The following ADAMTSL1 variants were observed in gnomAD, a reference collection of about 807,000 sequenced individuals.
ADAMTSL1 encodes ADAMTS-like protein 1.
ADAMTSL1 carries 126 observed loss-of-function variants against 201.8 expected under a neutral mutation model. That is an observed-to-expected ratio of 0.62 (90% CI 0.54 to 0.72). The LOEUF (loss-of-function observed/expected upper bound fraction) is 0.72. Among genes scored for constraint, ADAMTSL1 ranks in the 30% least tolerant of loss-of-function variants. ADAMTSL1 has a pLI of 0.00. For missense variants in ADAMTSL1, 2,679 were observed against 2,277.8 expected, an observed-to-expected ratio of 1.18 and a Z score of -3.59; for synonymous variants, 1,121 against 903.4, an observed-to-expected ratio of 1.24 and a Z score of -4.32.
intron 1 of ADAMTSL1, among the ~76,000 whole-genome samples, chr9:18,097,593 C>T (rs1188626075): frequency 6.6e-6 from 1 of 152,136 alleles, no homozygotes. Context: ...GTCTGTCTTT[C>T]CAATTTTCAT....
At chr9:18,579,903 A>T (rs1223532608) in intron 4 of ADAMTSL1, among the ~76,000 whole-genome samples, 1 of 152,196 alleles carries the variant, frequency 6.6e-6, no homozygotes, top group East Asian at 1.9e-4. Flanking sequence ...TTTTAAATAT[A>T]TTTTTTAAAA....
chr9:18,067,280 G>A (rs897380915), intron 1 of ADAMTSL1, among the ~76,000 whole-genome samples: 1 of 152,226 alleles, frequency 6.6e-6, no homozygotes, highest in East Asian at 1.9e-4. Context: ...CAATAGAAAT[G>A]ATGATGCCTA....
intron 1 of ADAMTSL1, among the ~76,000 whole-genome samples, chr9:18,022,154 T>C (rs927721889): frequency 2.6e-5 from 4 of 152,084 alleles, no homozygotes; most frequent in Non-Finnish European, 5.9e-5. Context: ...CTTGAAGAAC[T>C]AGGTTTGGTT....
intron 1 of ADAMTSL1, among the ~76,000 whole-genome samples, chr9:17,962,768 A>C (rs112134881): frequency 6.6e-6 from 1 of 152,212 alleles, no homozygotes; most frequent in Admixed American, 6.5e-5. Context: ...GTATGCTTTC[A>C]TCTGTTTTCC....
rs903324372 is a variant in ADAMTSL1 at position 18,651,195 on chromosome 9, A to G, written c.835-6444A>G. The G allele has an allele frequency of 3.3e-5, 5 of 152,342 alleles. No individual in the cohort carries two copies. In the East Asian group the frequency reaches 5.8e-4, roughly 18 times the overall value. The allele number at this position is 152,342 out of a possible 1,614,324, so 9.4% of individuals were successfully genotyped here. The stretch of plus-strand genomic sequence containing the variant: ...GACATCTGTCAGTACATTAATTATT[A>G]GAGATGATCTGGCCATCATCTGGAT... On this transcript the variant is annotated intron_variant, in intron 7 of 28. Transcript: ENST00000380548.
At chr9:18,744,160 A>G (rs1031896506) in intron 15 of ADAMTSL1, among the ~76,000 whole-genome samples, 5 of 152,274 alleles carry the variant, frequency 3.3e-5, no homozygotes, top group Non-Finnish European at 7.3e-5. Flanking sequence ...CAATGCAAGT[A>G]GTTATGAGCA....
rs115518860 is a variant in ADAMTSL1, at chr9:18,026,923, C to T, written c.87+120001C>T. Among the ~76,000 whole-genome samples, 493 of 152,024 alleles carry T rather than the reference C, an allele frequency of 3.2e-3. 3 individuals carry two copies. The highest frequency in any genetic ancestry group is 0.011 in the African/African-American group (457 of 41,506). On this transcript the variant is annotated intron_variant, in intron 1 of 29. Coordinates refer to the ADAMTSL1 transcript ENST00000680146. ...GTCTGCTCAGGGTTTCACCTTCTTC[C>T]TGATTCAATCTTGGGAGTTATGTGT... is the stretch of plus-strand genomic sequence containing the variant.
chr9:18,740,594 G>A (rs1002510647), intron 15 of ADAMTSL1, among the ~76,000 whole-genome samples: 20 of 148,134 alleles, frequency 1.4e-4, no homozygotes, highest in African/African-American at 4.0e-4. Context: ...CTCCTGCCTC[G>A]CCCTCCCAGG....
Position 17,972,409 on chromosome 9 carries a change from C to T in ADAMTSL1, c.87+65487C>T, listed in dbSNP as rs1201910322. Among the ~76,000 whole-genome samples, 9 of 147,726 alleles carry T rather than the reference C, an allele frequency of 6.1e-5. No homozygotes were observed. In the South Asian group the frequency reaches 6.6e-4, roughly 11 times the overall value. On this transcript the variant is annotated intron_variant, in intron 1 of 29. Transcript: ENST00000680146. Reference sequence around the variant, plus strand: ...ATTTCCACCTATGAGTGAGAACATACGGTGTTTCGTTTTTTGTCCTTGCGA... The same window carrying T: ...ATTTCCACCTATGAGTGAGAACATATGGTGTTTCGTTTTTTGTCCTTGCGA...
At chr9:18,560,242 C>A (rs545282158) in intron 3 of ADAMTSL1, among the ~76,000 whole-genome samples, 3 of 152,140 alleles carry the variant, frequency 2.0e-5, no homozygotes, top group East Asian at 3.9e-4. Flanking sequence ...TTATTGAAGG[C>A]CTTTTCTGCA....
chr9:18,532,581 A>T (rs1819512088), intron 2 of ADAMTSL1, among the ~76,000 whole-genome samples: 1 of 152,040 alleles, frequency 6.6e-6, no homozygotes, highest in African/African-American at 2.4e-5. Context: ...CCTCCAAAAA[A>T]TTTTAAGTGG....
chr9:18,261,424 G>A (rs1336759841), intron 2 of ADAMTSL1, among the ~76,000 whole-genome samples: 2 of 152,146 alleles, frequency 1.3e-5, no homozygotes, highest in African/African-American at 2.4e-5. Flanking sequence ...GGCAAGTAAA[G>A]TGATTTTCCT....
chr9:18,453,509 G>T (rs1820492151), intron 2 of ADAMTSL1, among the ~76,000 whole-genome samples: 1 of 152,140 alleles, frequency 6.6e-6, no homozygotes, highest in Non-Finnish European at 1.5e-5. Flanking sequence ...TCAGGGCCAG[G>T]CTGAAATTTT....
chr9:18,657,477 A>G, intron 7 of ADAMTSL1, 162 bp from the exon 8 acceptor site: 1 of 586,060 alleles, frequency 1.7e-6, no homozygotes, highest in Non-Finnish European at 3.1e-6. Context: ...TCACTGGTAA[A>G]ATGGTAGGAT....
intron 1 of ADAMTSL1, among the ~76,000 whole-genome samples, chr9:18,476,116 T>A (rs973314506): frequency 2.0e-5 from 3 of 152,112 alleles, no homozygotes; most frequent in Non-Finnish European, 2.9e-5. Flanking sequence ...TAAGTGGAAA[T>A]CTGAGAGTTA....
chr9:17,954,393 A>C (rs577912845), intron 1 of ADAMTSL1, among the ~76,000 whole-genome samples: 4 of 152,236 alleles, frequency 2.6e-5, no homozygotes, highest in Non-Finnish European at 5.9e-5. Context: ...AAGAATTTTC[A>C]GCCATCGTTA....
intron 2 of ADAMTSL1, among the ~76,000 whole-genome samples, chr9:18,392,844 C>T (rs1452599675): frequency 6.6e-6 from 1 of 152,180 alleles, no homozygotes; most frequent in Non-Finnish European, 1.5e-5. Context: ...CCTACCTCTA[C>T]TTTGGGGCCT....
intron 1 of ADAMTSL1, among the ~76,000 whole-genome samples, chr9:17,958,840 G>T (rs1828031544): frequency 6.6e-6 from 1 of 152,134 alleles, no homozygotes. Context: ...AATTCCATGG[G>T]AAATGTGGGC....
chr9:18,068,214 G>C (rs935490941), intron 1 of ADAMTSL1, among the ~76,000 whole-genome samples: 1 of 152,068 alleles, frequency 6.6e-6, no homozygotes, highest in Non-Finnish European at 1.5e-5. Flanking sequence ...CAGTGAGAGT[G>C]TAAGTGCAGT....
Sources: allele counts gnomAD v4.1 joint callset (sites outside exome capture counted in the v4.1 genomes callset), GRCh38; gene constraint gnomAD v4.1.1; transcripts MANE v1.5; gene names NCBI Gene and HGNC (gene_info 2026-07-23, HGNC 2026-07-21).